The following CASR variants were observed in gnomAD, a reference collection of about 807,000 sequenced individuals.
The protein encoded by CASR is calcium sensing receptor.
In CASR, 23 loss-of-function variants were observed where a neutral mutation model predicts 69.1. The ratio of observed to expected loss-of-function variants is 0.33; its 90% CI spans 0.24 to 0.47. The LOEUF is 0.47. Ranked by LOEUF, CASR falls within the 20% of genes least tolerant of loss-of-function variation. The probability of loss-of-function intolerance (pLI) is 1.00; values close to 1 mark genes in which losing one functional copy is unlikely to be tolerated. For missense variants in CASR, 924 were observed against 1,356.1 expected (o/e 0.68, Z 5.00); for synonymous variants, 541 against 544.7 (o/e 0.99, Z 0.10).
At chr3:122,225,162 G>C (rs1025969451) in intron 1 of CASR, among the ~76,000 whole-genome samples, 1 of 152,046 alleles carries the variant, frequency 6.6e-6, no homozygotes, top group African/African-American at 2.4e-5. Flanking sequence ...CCTTGGGAAA[G>C]AATTTATGAC....
chr3:122,236,893 A>G (rs564652369), intron 1 of CASR, among the ~76,000 whole-genome samples: 1 of 152,312 alleles, frequency 6.6e-6, no homozygotes, highest in East Asian at 1.9e-4. Context: ...AAAAAAGTGA[A>G]GGTGATTCTA....
chr3:122,253,000 A>T (rs2074514470), intron 1 of CASR, among the ~76,000 whole-genome samples: 1 of 152,206 alleles, frequency 6.6e-6, no homozygotes, highest in Admixed American at 6.5e-5. Context: ...ATAGTATAGC[A>T]GGAGGGCTTT....
intron 1 of CASR, among the ~76,000 whole-genome samples, chr3:122,235,376 T>C (rs1264330683): frequency 6.6e-6 from 1 of 152,184 alleles, no homozygotes; most frequent in African/African-American, 2.4e-5. Flanking sequence ...CCATGCATAT[T>C]GATTATAGAT....
intron 1 of CASR, among the ~76,000 whole-genome samples, chr3:122,251,185 A>AAGG (rs1270547547): frequency 1.3e-5 from 2 of 152,156 alleles, no homozygotes; most frequent in East Asian, 3.9e-4. Context: ...TGGAATTCCT[A>AAGG]AGGAGCAAGA....
At chr3:122,258,471 C>G (rs1001766511) in intron 3 of CASR, among the ~76,000 whole-genome samples, 6 of 151,282 alleles carry the variant, frequency 4.0e-5, no homozygotes, top group Non-Finnish European at 7.4e-5. Flanking sequence ...AAGGTGTTTC[C>G]CATGGGGAAG....
chr3:122,266,767 G>A (rs2074699421), intron 4 of CASR, among the ~76,000 whole-genome samples: 1 of 152,224 alleles, frequency 6.6e-6, no homozygotes, highest in Admixed American at 6.5e-5. Context: ...CACTTTGGGA[G>A]GCCACAGTGG....
intron 4 of CASR, among the ~76,000 whole-genome samples, chr3:122,273,823 G>A (rs1012120830): frequency 1.3e-5 from 2 of 152,162 alleles, no homozygotes; most frequent in African/African-American, 4.8e-5. Flanking sequence ...ATGTTCCTCT[G>A]AGGGCAAGAA....
At chr3:122,241,837 AAG>A (rs2074381843) in intron 1 of CASR, among the ~76,000 whole-genome samples, 1 of 152,182 alleles carries the variant, frequency 6.6e-6, no homozygotes, top group Non-Finnish European at 1.5e-5. Flanking sequence ...CATCATGACC[AAG>A]TGGGATCTAT....
intron 1 of CASR, among the ~76,000 whole-genome samples, chr3:122,226,811 C>G (rs1054778401): frequency 1.3e-5 from 2 of 151,750 alleles, no homozygotes; most frequent in Non-Finnish European, 2.9e-5. Flanking sequence ...CCCCACCAGA[C>G]TAACTAGATA....
At chr3:122,186,454 A>G (rs1174040714) in intron 1 of CASR, among the ~76,000 whole-genome samples, 2 of 152,204 alleles carry the variant, frequency 1.3e-5, no homozygotes, top group Non-Finnish European at 2.9e-5. Flanking sequence ...TAACACGGCA[A>G]TAAGTAAGTA....
At chr3:122,217,313 G>C (rs555529400) in intron 1 of CASR, among the ~76,000 whole-genome samples, 16 of 152,168 alleles carry the variant, frequency 1.1e-4, no homozygotes, top group Non-Finnish European at 1.5e-4. Context: ...TGTTGCCCAG[G>C]CTGGTTCAAA....
chr3:122,218,053 T>C (rs2074134264), intron 1 of CASR, among the ~76,000 whole-genome samples: 1 of 151,950 alleles, frequency 6.6e-6, no homozygotes, highest in South Asian at 2.1e-4. Context: ...AGGGAGTCCA[T>C]TGAAGTGATT....
chr3:122,212,421 G>A (rs928933898), intron 1 of CASR, among the ~76,000 whole-genome samples: 4 of 152,094 alleles, frequency 2.6e-5, no homozygotes, highest in Non-Finnish European at 5.9e-5. Flanking sequence ...TTGGGGTCAG[G>A]GAGCACATCA....
At chr3:122,202,554 A>G (rs971037092) in intron 1 of CASR, among the ~76,000 whole-genome samples, 12 of 152,130 alleles carry the variant, frequency 7.9e-5, no homozygotes, top group African/African-American at 2.4e-4. Flanking sequence ...TTTCAATAGG[A>G]ATGCTATATA....
At chr3:122,207,672 A>T (rs1323746974) in intron 1 of CASR, among the ~76,000 whole-genome samples, 1 of 152,204 alleles carries the variant, frequency 6.6e-6, no homozygotes, top group Non-Finnish European at 1.5e-5. Flanking sequence ...CAACAAAAGC[A>T]GTACTAAGAA....
chr3:122,283,671 C>T lies in CASR; in HGVS notation c.1733-16C>T. The T allele has an allele frequency of 6.2e-7, 1 of 1,611,270 alleles. No individual in the cohort carries two copies. Among genetic ancestry groups the T allele is most frequent in the Non-Finnish European group, 8.5e-7 (1 of 1,177,450 alleles). ...GTGCCACACAATAACTCACTCTTCACTGGGACATTTTACAGATGCCAGTGC... is the reference window on the plus strand; with the variant it reads ...GTGCCACACAATAACTCACTCTTCATTGGGACATTTTACAGATGCCAGTGC... On this transcript the variant is annotated splice_polypyrimidine_tract_variant and intron_variant, in intron 6 of 6. Coordinates refer to ENST00000639785, the MANE Select transcript of CASR (RefSeq NM_000388.4).
chr3:122,198,644 G>A (rs1387444531), intron 1 of CASR, among the ~76,000 whole-genome samples: 3 of 145,840 alleles, frequency 2.1e-5, no homozygotes, highest in Non-Finnish European at 4.6e-5. Context: ...TTTACAGTTA[G>A]GAAATGTTGT....
At chr3:122,188,900 AACC>A (rs1202723459) in intron 1 of CASR, among the ~76,000 whole-genome samples, 1 of 152,240 alleles carries the variant, frequency 6.6e-6, no homozygotes, top group Non-Finnish European at 1.5e-5. Context: ...CAGTCTTGGT[AACC>A]ACAGTATCCA....
intron 5 of CASR, among the ~76,000 whole-genome samples, chr3:122,276,981 G>A (rs1167866384): frequency 6.7e-6 from 1 of 148,694 alleles, no homozygotes; most frequent in Admixed American, 6.8e-5. Flanking sequence ...GCCTGGATAA[G>A]ACCCACCACA....
Sources: allele counts gnomAD v4.1 joint callset (sites outside exome capture counted in the v4.1 genomes callset), GRCh38; gene constraint gnomAD v4.1.1; transcripts MANE v1.5; gene names NCBI Gene and HGNC (gene_info 2026-07-23, HGNC 2026-07-21).